The following NAP1L1 variants were observed in gnomAD, a reference collection of about 807,000 sequenced individuals.
The protein encoded by NAP1L1 is nucleosome assembly protein 1-like 1.
NAP1L1 carries 9 observed loss-of-function variants against 58.9 expected under a neutral mutation model. The observed-to-expected ratio is 0.15, with a 90% confidence interval of 0.09 to 0.27. The LOEUF (loss-of-function observed/expected upper bound fraction) is 0.27, where lower values mean the gene tolerates loss of function less well. NAP1L1 is among the 10% of genes least tolerant of loss of function. The pLI is 1.00. For synonymous variants in NAP1L1, 130 were observed against 138.3 expected, an observed-to-expected ratio of 0.94 and a Z score of 0.42; for missense variants, 302 against 458.8, an observed-to-expected ratio of 0.66 and a Z score of 3.12.
intron 3 of NAP1L1, 174 bp downstream of exon 3, chr12:76,068,735 T>TACACACACACACACACACACACACACAC: frequency 3.4e-6 from 1 of 293,298 alleles, no homozygotes; most frequent in Middle Eastern, 8.7e-4. Context: ...ACCCGCCCCT[T>TACACACACACACACACACACACACACAC]ACACACACAC....
chr12:76,068,233 T>C (rs1949773810), intron 3 of NAP1L1, among the ~76,000 whole-genome samples: 3 of 152,182 alleles, frequency 2.0e-5, no homozygotes, highest in African/African-American at 7.2e-5. Context: ...AATACAGATT[T>C]TTAAATATCA....
chr12:76,056,494 A>G (rs1163906939), intron 6 of NAP1L1: 1 of 398,658 alleles, frequency 2.5e-6, no homozygotes, highest in Non-Finnish European at 5.0e-6. Flanking sequence ...GCCTCACCCC[A>G]TGGTGTTCTT....
chr12:76,057,476 C>T lies in NAP1L1; in HGVS notation c.430-1315G>A, dbSNP rs1949166019. On this transcript the variant is annotated intron_variant, in intron 6 of 14. Coordinates refer to ENST00000618691, the MANE Select transcript of NAP1L1 (RefSeq NM_004537.7). The stretch of plus-strand genomic sequence containing the variant: ...GGGAAACGAGTTGCATTTGTCGGCT[C>T]AGCTGGCAACAGTGGCGGGAGCAGA... The T allele has an allele frequency of 9.2e-6, 6 of 652,562 alleles. No individual in the cohort carries two copies. The South Asian group carries it at 9.4e-5, about 10-fold the overall frequency. The allele number at this position is 652,562 out of a possible 1,614,324, so 40.4% of individuals were successfully genotyped here.
Position 76,050,511 on chromosome 12 carries a change from C to A in NAP1L1, c.1059+20G>T. 1 of 1,593,382 alleles carries A rather than the reference C, an allele frequency of 6.3e-7. No individual in the cohort carries two copies. The highest frequency in any genetic ancestry group is 8.5e-7 in the Non-Finnish European group (1 of 1,173,144). On this transcript the variant is annotated intron_variant, in intron 12 of 14. Coordinates refer to ENST00000618691, the MANE Select transcript of NAP1L1 (RefSeq NM_004537.7). ...ATACCCTCAACCAATTATTTCTTTG[C>A]AGGATTCAAATTCGCTTACATCATC...
intron 2 of NAP1L1, 125 bp from the exon 3 acceptor site, chr12:76,069,119 A>G: frequency 1.4e-6 from 1 of 698,888 alleles, no homozygotes; most frequent in East Asian, 2.6e-5. Context: ...GAAATTCAAA[A>G]GGTAATTCCG....
intron 4 of NAP1L1, among the ~76,000 whole-genome samples, chr12:76,062,963 G>C (rs1392191277): frequency 6.6e-6 from 1 of 152,064 alleles, no homozygotes; most frequent in Non-Finnish European, 1.5e-5. Context: ...GGCATTAAAA[G>C]AAACACTGAA....
chr12:76,066,149 CAAACAAA>C (rs1565734913), intron 4 of NAP1L1, among the ~76,000 whole-genome samples: 89 of 132,282 alleles, frequency 6.7e-4, no homozygotes, highest in Non-Finnish European at 1.2e-3. Flanking sequence ...AACAAACAAA[CAAACAAA>C]CCTGGCTCAA....
rs1228491020 is a variant in NAP1L1 at position 76,041,322 on chromosome 12, A to C, written c.*7107T>G. The C allele has an allele frequency of 6.6e-6, 1 of 152,228 alleles. No homozygotes were observed. The highest frequency in any genetic ancestry group is 1.5e-5 in the Non-Finnish European group (1 of 68,052). 9.4% of individuals were successfully genotyped at this position (152,228 alleles called of 1,614,324 possible). ...AACTCATTAATAAGCAAGTGTTTCT[A>C]GAGTATTTTGAACTGGTTCAAAACC... On this transcript the variant is annotated 3_prime_UTR_variant, in exon 15 of 15. Coordinates refer to ENST00000618691, the MANE Select transcript of NAP1L1 (RefSeq NM_004537.7).
rs969505079 is a variant in NAP1L1 at position 76,044,415 on chromosome 12, A to G, written c.*4014T>C. The G allele has an allele frequency of 3.0e-4, 45 of 152,336 alleles. No homozygotes were observed. Among genetic ancestry groups the G allele is most frequent in the African/African-American group, 1.0e-3 (42 of 41,576 alleles). The allele number at this position is 152,336 out of a possible 1,614,324, so 9.4% of individuals were successfully genotyped here. A position where few individuals can be genotyped will look rare whatever the true frequency, so the allele number is the denominator to read the frequency against. On this transcript the variant is annotated 3_prime_UTR_variant, in exon 15 of 15. Transcript: ENST00000618691. ...ACTCAGTTTGTTCTAGGATCCACAA[A>G]ACTTAAAATGCCCAATTTCCCATAG...
Position 76,040,720 on chromosome 12 carries a change from C to A in NAP1L1, c.*7709G>T, listed in dbSNP as rs1017788788. The A allele has an allele frequency of 5.9e-5, 9 of 152,126 alleles. No homozygotes were observed. The highest frequency in any genetic ancestry group is 1.3e-4 in the Non-Finnish European group (9 of 68,028). The allele number at this position is 152,126 out of a possible 1,614,324, so 9.4% of individuals were successfully genotyped here. ...GACTACAGGCACACACCACTACCAC[C>A]TACAGCTAAGTTTTGTATTTTTAGT... On this transcript the variant is annotated 3_prime_UTR_variant, in exon 15 of 15. Transcript: ENST00000618691.
intron 1 of NAP1L1, among the ~76,000 whole-genome samples, chr12:76,081,186 A>C (rs1237716242): frequency 6.6e-6 from 1 of 152,198 alleles, no homozygotes; most frequent in Non-Finnish European, 1.5e-5. Context: ...TTCTTTCAAA[A>C]CCAGGATAAA....
chr12:76,059,760 T>A (rs375433453), intron 6 of NAP1L1, 38 bp downstream of exon 6: 82 of 1,365,054 alleles, frequency 6.0e-5, no homozygotes, highest in Middle Eastern at 1.8e-4. Context: ...TAAGATTTTA[T>A]CATCTTAAAA....
Position 76,045,741 on chromosome 12 carries a change from T to C in NAP1L1, c.*2688A>G, listed in dbSNP as rs996920896. 3.9e-5 allele frequency: 6 copies of C among 152,078 alleles called. No homozygotes were observed. The highest frequency in any genetic ancestry group is 1.9e-4 in the East Asian group (1 of 5,208). The allele number at this position is 152,078 out of a possible 1,614,324, so 9.4% of individuals were successfully genotyped here. On this transcript the variant is annotated 3_prime_UTR_variant, in exon 15 of 15. Coordinates refer to ENST00000618691, the MANE Select transcript of NAP1L1 (RefSeq NM_004537.7). ...ATGTTAAACTATCAACTTGTGGAAT[T>C]TGTGGAACACTTACCCTACTTGAGT...
At chr12:76,056,833 G>A (rs564994055) in intron 6 of NAP1L1, 13 of 318,872 alleles carry the variant, frequency 4.1e-5, no homozygotes, top group South Asian at 1.7e-4. Flanking sequence ...CCAACATGGC[G>A]AAACCCCATC....
chr12:76,053,864 T>C lies in NAP1L1; in HGVS notation c.676A>G (p.Asn226Asp). ...FHFEPNEYFT[N>D]EVLTKTYRMR... The stretch of plus-strand genomic sequence containing the variant: ...CTGTATGTCTTTGTCAGCACTTCAT[T>C]TGTAAAATATTCATTGGGTTCAAAG... Residue 226 changes from asparagine to aspartate, a missense_variant, in exon 9 of 15, where the codon AAT becomes GAT. By Grantham distance (23) the Asn-to-Asp change is conservative (BLOSUM62 1). Transcript: ENST00000618691. The C allele has an allele frequency of 6.3e-7, 1 of 1,590,432 alleles. No individual in the cohort carries two copies. The highest frequency in any genetic ancestry group is 1.2e-5 in the South Asian group (1 of 86,018).
At chr12:76,060,996 G>T (rs1949381148) in intron 4 of NAP1L1, 1 of 427,136 alleles carries the variant, frequency 2.3e-6, no homozygotes, top group African/African-American at 2.1e-5. Context: ...GGAAGGCTAA[G>T]ATGAGAGCAT....
intron 1 of NAP1L1, among the ~76,000 whole-genome samples, chr12:76,079,289 GC>G (rs1301783292): frequency 6.6e-6 from 1 of 152,150 alleles, no homozygotes; most frequent in Non-Finnish European, 1.5e-5. Context: ...ACTTTGGAAG[GC>G]TGGGGCAGGA....
rs530400169 is a variant in NAP1L1, at chr12:76,049,133, T to C, written c.1140+67A>G. 41 of 1,476,656 alleles carry C rather than the reference T, an allele frequency of 2.8e-5. No individual in the cohort carries two copies. The South Asian group carries it at 3.0e-4, about 11-fold the overall frequency. The allele number at this position is 1,476,656 out of a possible 1,614,324, so 91.5% of individuals were successfully genotyped here. The stretch of plus-strand genomic sequence containing the variant: ...GACTTTAACGGAGAGAAACTTGATA[T>C]TCAAAAACACCAACTCTTACTTTAG... On this transcript the variant is annotated intron_variant, in intron 14 of 14. Coordinates refer to ENST00000618691, the MANE Select transcript of NAP1L1 (RefSeq NM_004537.7).
At chr12:76,059,351 C>T (rs1565726620) in intron 6 of NAP1L1, among the ~76,000 whole-genome samples, 1 of 152,206 alleles carries the variant, frequency 6.6e-6, no homozygotes, top group East Asian at 1.9e-4. Context: ...GCTAGAGGTT[C>T]TTATTCTGGA....
Sources: allele counts gnomAD v4.1 joint callset (sites outside exome capture counted in the v4.1 genomes callset), GRCh38; gene constraint gnomAD v4.1.1; transcripts MANE v1.5; gene names NCBI Gene and HGNC (gene_info 2026-07-23, HGNC 2026-07-21).